KIT: variants seen among roughly 807,000 people sequenced by gnomAD.
KIT encodes the protein mast/stem cell growth factor receptor Kit.
A neutral mutation model predicts 105.7 loss-of-function variants in KIT; 16 were observed. The observed-to-expected ratio is 0.15, with a 90% CI of 0.10 to 0.23. The LOEUF (loss-of-function observed/expected upper bound fraction) is 0.23, where lower values mean the gene tolerates loss of function less well. Among genes scored for constraint, KIT ranks in the 10% least tolerant of loss-of-function variants. The pLI is 1.00. For synonymous variants in KIT, 438 were observed against 441.1 expected (o/e 0.99, Z 0.09); for missense variants, 858 against 1,213.8 (o/e 0.71, Z 4.36).
At chr4:54,727,753 C>A in intron 11 of KIT, 70 bp from the exon 12 acceptor site, 1 of 1,361,442 alleles carries the variant, frequency 7.3e-7, no homozygotes, top group Non-Finnish European at 1.0e-6. Context: ...GATTTTGAAA[C>A]TGCACAAATG....
chr4:54,678,946 C>A (rs1344487117), intron 1 of KIT, among the ~76,000 whole-genome samples: 1 of 151,974 alleles, frequency 6.6e-6, no homozygotes, highest in Non-Finnish European at 1.5e-5. Context: ...CCCCCTCCCC[C>A]ACCTTTGCTG....
chr4:54,688,125 T>C (rs1464241669), intron 1 of KIT, among the ~76,000 whole-genome samples: 1 of 152,114 alleles, frequency 6.6e-6, no homozygotes, highest in African/African-American at 2.4e-5. Flanking sequence ...AGGACTTGTG[T>C]GGTTTTCACT....
At chr4:54,692,768 C>A (rs2537869) in intron 1 of KIT, among the ~76,000 whole-genome samples, 1 of 152,150 alleles carries the variant, frequency 6.6e-6, no homozygotes, top group Non-Finnish European at 1.5e-5. Flanking sequence ...CTGCACCTAG[C>A]GGACTCAACG....
chr4:54,726,499 C>A (rs1037865353), intron 9 of KIT, among the ~76,000 whole-genome samples: 1 of 152,180 alleles, frequency 6.6e-6, no homozygotes, highest in Admixed American at 6.5e-5. Context: ...CAAGTTATTT[C>A]TTTAAAATAT....
intron 1 of KIT, among the ~76,000 whole-genome samples, chr4:54,659,193 A>C (rs1717056472): frequency 6.6e-6 from 1 of 152,100 alleles, no homozygotes; most frequent in Non-Finnish European, 1.5e-5. Context: ...CTTTCTGCAA[A>C]TCCTACTCAG....
intron 1 of KIT, among the ~76,000 whole-genome samples, chr4:54,689,835 C>T (rs1719566973): frequency 6.6e-6 from 1 of 152,152 alleles, no homozygotes; most frequent in Non-Finnish European, 1.5e-5. Context: ...ATATCCCAAA[C>T]AGAAACTCTA....
chr4:54,669,671 T>C (rs1309972193), intron 1 of KIT, among the ~76,000 whole-genome samples: 1 of 146,462 alleles, frequency 6.8e-6, no homozygotes, highest in African/African-American at 2.6e-5. Context: ...TATTTTTCTC[T>C]CCAGGAGAGA....
At chr4:54,669,842 C>G (rs905094319) in intron 1 of KIT, among the ~76,000 whole-genome samples, 2 of 151,940 alleles carry the variant, frequency 1.3e-5, no homozygotes, top group Non-Finnish European at 2.9e-5. Flanking sequence ...TCAGAGGGTA[C>G]CAGTTCAAAA....
intron 17 of KIT, among the ~76,000 whole-genome samples, chr4:54,736,197 C>CT (rs1722915259): frequency 6.6e-6 from 1 of 152,158 alleles, no homozygotes; most frequent in Non-Finnish European, 1.5e-5. Flanking sequence ...TCTGCATTAC[C>CT]TAAGGCCCAT....
chr4:54,701,818 G>A lies in KIT; in HGVS notation c.757-1906G>A, dbSNP rs1167585206. Reference sequence around the variant, plus strand: ...TCTGTGAAACTATGAACTGGGAAAAGCCAGTTTGAAAATGTTGCTTCACCT... The same window carrying A: ...TCTGTGAAACTATGAACTGGGAAAAACCAGTTTGAAAATGTTGCTTCACCT... On this transcript the variant is annotated intron_variant, in intron 4 of 20. Transcript: ENST00000288135. 2.0e-5 allele frequency among the ~76,000 whole-genome samples: 3 copies of A among 152,168 alleles called. No individual in the cohort carries two copies. The East Asian group carries it at 5.8e-4, about 29-fold the overall frequency.
chr4:54,676,893 A>G (rs1718519498), intron 1 of KIT, among the ~76,000 whole-genome samples: 1 of 152,146 alleles, frequency 6.6e-6, no homozygotes, highest in South Asian at 2.1e-4. Context: ...CTGGCCTCCT[A>G]GTGCACTTCA....
intron 19 of KIT, 137 bp downstream of exon 19, chr4:54,736,957 A>G (rs1722957727): frequency 4.0e-6 from 3 of 754,836 alleles, no homozygotes; most frequent in Non-Finnish European, 7.0e-6. Context: ...CACTGGTCAA[A>G]TGTCATTTCT....
intron 7 of KIT, among the ~76,000 whole-genome samples, chr4:54,713,590 C>T (rs1721289970): frequency 6.6e-6 from 1 of 152,170 alleles, no homozygotes; most frequent in African/African-American, 2.4e-5. Flanking sequence ...ATTCAGCCTA[C>T]TTTTACTCTG....
intron 1 of KIT, among the ~76,000 whole-genome samples, chr4:54,675,817 G>GA (rs1176741462): frequency 2.6e-5 from 4 of 152,300 alleles, no homozygotes; most frequent in Non-Finnish European, 5.9e-5. Flanking sequence ...AGTATGGGCT[G>GA]TGGATGTGGG....
At chr4:54,671,649 T>G (rs1207521644) in intron 1 of KIT, among the ~76,000 whole-genome samples, 1 of 152,200 alleles carries the variant, frequency 6.6e-6, no homozygotes, top group Non-Finnish European at 1.5e-5. Context: ...TTAAATTTAT[T>G]AGTTGACTAG....
chr4:54,695,316 AG>A (rs1310312740), intron 1 of KIT, among the ~76,000 whole-genome samples, 195 bp from the exon 2 acceptor site: 8 of 152,208 alleles, frequency 5.3e-5, no homozygotes, highest in African/African-American at 1.9e-4. Flanking sequence ...GGATTAATTG[AG>A]GGTTGGAGAA....
chr4:54,676,883 C>T (rs903296724), intron 1 of KIT, among the ~76,000 whole-genome samples: 7 of 152,158 alleles, frequency 4.6e-5, no homozygotes, highest in African/African-American at 1.7e-4. Flanking sequence ...ATGCTTCTCC[C>T]TGGCCTCCTA....
rs1434123210 is a variant in KIT at position 54,738,347 on chromosome 4, G to T, written c.2803-82G>T. The stretch of plus-strand genomic sequence containing the variant: ...TTAAGAGTTTCCATCAGTTAGTTGT[G>T]ATCTTGACACTGTAAGTATGCCTTT... On this transcript the variant is annotated intron_variant, in intron 20 of 20. Coordinates refer to ENST00000288135, the MANE Select transcript of KIT (RefSeq NM_000222.3). The T allele has an allele frequency of 3.3e-6, 5 of 1,524,804 alleles. No individual in the cohort carries two copies. In the East Asian group the frequency reaches 1.1e-4, roughly 34 times the overall value. 94.5% of individuals were successfully genotyped at this position (1,524,804 alleles called of 1,614,324 possible).
At chr4:54,724,029 G>A (rs1478689845) in intron 8 of KIT, among the ~76,000 whole-genome samples, 1 of 152,220 alleles carries the variant, frequency 6.6e-6, no homozygotes, top group Non-Finnish European at 1.5e-5. Flanking sequence ...GGTAATGTGT[G>A]TGGGAAATGT....
Sources: allele counts gnomAD v4.1 joint callset (sites outside exome capture counted in the v4.1 genomes callset), GRCh38; gene constraint gnomAD v4.1.1; transcripts MANE v1.5; gene names NCBI Gene and HGNC (gene_info 2026-07-23, HGNC 2026-07-21).